Variants in EFNB2 observed in about 807,000 individuals in gnomAD.
The protein encoded by EFNB2 is ephrin-B2.
Under a neutral mutation model 32.1 loss-of-function variants are expected in EFNB2, and 5 were observed. That is an observed-to-expected ratio of 0.16 (90% CI 0.08 to 0.33). The LOEUF (loss-of-function observed/expected upper bound fraction) is 0.33. Ranked by LOEUF, EFNB2 falls within the 10% of genes least tolerant of loss-of-function variation. The pLI, the probability that EFNB2 is intolerant of heterozygous loss-of-function variation, is 1.00. For synonymous variants in EFNB2, 168 were observed against 166.5 expected (o/e 1.01, Z -0.07); for missense variants, 263 against 422.6 (o/e 0.62, Z 3.31).
At chr13:106,523,005 C>G (rs1879576454) in intron 1 of EFNB2, among the ~76,000 whole-genome samples, 1 of 152,132 alleles carries the variant, frequency 6.6e-6, no homozygotes, top group African/African-American at 2.4e-5. Context: ...TATAATCAGC[C>G]CAGTAACACA....
intron 2 of EFNB2, among the ~76,000 whole-genome samples, chr13:106,507,949 C>T (rs913522987): frequency 6.6e-6 from 1 of 152,228 alleles, no homozygotes; most frequent in African/African-American, 2.4e-5. Context: ...TGTCTAACAG[C>T]TCTGCTGTAG....
At chr13:106,521,523 T>C (rs1178210215) in intron 1 of EFNB2, 3 of 152,240 alleles carry the variant, frequency 2.0e-5, no homozygotes, top group African/African-American at 4.8e-5. Context: ...TACAGCTGCG[T>C]GTGATGCTGT....
At position 106,491,892 on chromosome 13, in the gene EFNB2, T is replaced by TA. The variant is rs773793785; in HGVS notation, c.*1147dup. On this transcript the variant is annotated 3_prime_UTR_variant, in exon 5 of 5. Coordinates refer to ENST00000646441, the MANE Select transcript of EFNB2 (RefSeq NM_004093.4). Reference sequence around the variant, plus strand: ...TCCTAAATGCTTTCCCTGTGTTTAATAAAATGTGATAAGTATAGCAGCTGA... The same window carrying TA: ...TCCTAAATGCTTTCCCTGTGTTTAATAAAAATGTGATAAGTATAGCAGCTGA... 3 of 152,792 alleles carry TA rather than the reference T, an allele frequency of 2.0e-5. No individual in the cohort carries two copies. Among genetic ancestry groups the TA allele is most frequent in the Admixed American group, 1.3e-4 (2 of 15,308 alleles). The allele number at this position is 152,792 out of a possible 1,614,324, so 9.5% of individuals were successfully genotyped here. A position where few individuals can be genotyped will look rare whatever the true frequency, so the allele number is the denominator to read the frequency against.
chr13:106,496,899 A>G (rs898835778), intron 2 of EFNB2, among the ~76,000 whole-genome samples: 2 of 152,202 alleles, frequency 1.3e-5, no homozygotes, highest in African/African-American at 4.8e-5. Context: ...TCATTCCCCT[A>G]AAGTTCAAGG....
chr13:106,534,668 A>T (rs1456723938), intron 1 of EFNB2, among the ~76,000 whole-genome samples, 175 bp downstream of exon 1: 1 of 151,374 alleles, frequency 6.6e-6, no homozygotes, highest in East Asian at 2.0e-4. Flanking sequence ...CTCGGGTTGG[A>T]AAGCCGAGCG....
chr13:106,517,615 C>G (rs1042685291), intron 1 of EFNB2: 2 of 152,206 alleles, frequency 1.3e-5, no homozygotes. Context: ...TGCATTCTCA[C>G]TGGAGGGCCT....
At chr13:106,527,677 C>T (rs1195249774) in intron 1 of EFNB2, among the ~76,000 whole-genome samples, 4 of 152,202 alleles carry the variant, frequency 2.6e-5, no homozygotes, top group South Asian at 2.1e-4. Flanking sequence ...GAAATAGGTT[C>T]GCCTGGCATT....
intron 2 of EFNB2, among the ~76,000 whole-genome samples, chr13:106,501,782 C>T (rs540229527): frequency 3.3e-5 from 5 of 152,006 alleles, no homozygotes; most frequent in African/African-American, 4.8e-5. Flanking sequence ...TTAGTAGAGA[C>T]GGGGTTTCAC....
intron 1 of EFNB2, among the ~76,000 whole-genome samples, chr13:106,522,342 C>T (rs78837113): frequency 0.032 from 4,933 of 152,228 alleles, 269 homozygotes; most frequent in African/African-American, 0.1. Flanking sequence ...ACCATGCTTT[C>T]AGCAAGAGTC....
chr13:106,509,767 T>C (rs1020838993), intron 2 of EFNB2: 1 of 152,170 alleles, frequency 6.6e-6, no homozygotes, highest in African/African-American at 2.4e-5. Context: ...TCAATATTAA[T>C]TTCTAAAACT....
At chr13:106,522,299 T>C (rs1879549559) in intron 1 of EFNB2, among the ~76,000 whole-genome samples, 1 of 152,198 alleles carries the variant, frequency 6.6e-6, no homozygotes, top group Non-Finnish European at 1.5e-5. Flanking sequence ...TTCCCAACTG[T>C]AATTTGTGTG....
At chr13:106,520,265 G>A (rs919433345) in intron 1 of EFNB2, 2 of 152,210 alleles carry the variant, frequency 1.3e-5, no homozygotes, top group African/African-American at 4.8e-5. Context: ...TTAATTAAAT[G>A]TCAAAGCCTA....
intron 2 of EFNB2, among the ~76,000 whole-genome samples, chr13:106,504,290 T>A (rs1878878349): frequency 6.6e-6 from 1 of 152,174 alleles, no homozygotes; most frequent in African/African-American, 2.4e-5. Context: ...GTGGAAAACA[T>A]CCATCGGAGG....
At chr13:106,516,166 C>A (rs1451363399) in intron 1 of EFNB2, 1 of 152,190 alleles carries the variant, frequency 6.6e-6, no homozygotes, top group Non-Finnish European at 1.5e-5. Context: ...GAAGACAGAA[C>A]CACTGAGTCG....
intron 2 of EFNB2, among the ~76,000 whole-genome samples, chr13:106,507,312 A>G (rs936147891): frequency 2.0e-5 from 3 of 152,210 alleles, no homozygotes; most frequent in Middle Eastern, 3.2e-3. Context: ...AAAGAAATCT[A>G]TATGTTAAGA....
chr13:106,534,827 C>G lies in EFNB2; in HGVS notation c.122+16G>C. ...CCCCGGGGCGGGGACATAGGGGGAT[C>G]GCGGACGCCACTTACTTGGAGTTCG... On this transcript the variant is annotated intron_variant, in intron 1 of 4. Coordinates refer to ENST00000646441, the MANE Select transcript of EFNB2 (RefSeq NM_004093.4). 6.2e-7 allele frequency: 1 copy of G among 1,607,026 alleles called. No homozygotes were observed. The highest frequency in any genetic ancestry group is 1.1e-5 in the South Asian group (1 of 90,136).
chr13:106,507,824 A>C (rs1331014781), intron 2 of EFNB2, among the ~76,000 whole-genome samples: 1 of 152,210 alleles, frequency 6.6e-6, no homozygotes, highest in South Asian at 2.1e-4. Flanking sequence ...AGTCCTTCGG[A>C]AAGATGACTT....
At chr13:106,530,733 G>A (rs1879844315) in intron 1 of EFNB2, among the ~76,000 whole-genome samples, 2 of 152,114 alleles carry the variant, frequency 1.3e-5, no homozygotes, top group South Asian at 2.1e-4. Context: ...TTAGGTGAAC[G>A]CACTCTAAAA....
Position 106,534,897 on chromosome 13 carries a change from G to A in EFNB2, c.68C>T (p.Ala23Val). 1.2e-6 allele frequency: 2 copies of A among 1,613,760 alleles called. No individual in the cohort carries two copies. The highest frequency in any genetic ancestry group is 1.7e-6 in the Non-Finnish European group (2 of 1,179,790). ...WGVLMVLCRT[A>V]ISKSIVLEPI... Reference sequence around the variant, plus strand: ...CTCTAAAACTATCGATTTGGAAATCGCAGTTCTGCATAAAACCATCAAAAC... The same window carrying A: ...CTCTAAAACTATCGATTTGGAAATCACAGTTCTGCATAAAACCATCAAAAC... Residue 23 changes from alanine (A) to valine (V), a missense_variant, in exon 1 of 5, where the codon GCG becomes GTG. Around this residue, in one of 3 missense-constraint regions of EFNB2, gnomAD observed 46 missense variants for 56.9 expected, o/e 0.81. Coordinates refer to ENST00000646441, the MANE Select transcript of EFNB2 (RefSeq NM_004093.4).
Sources: allele counts gnomAD v4.1 joint callset (sites outside exome capture counted in the v4.1 genomes callset), GRCh38; gene constraint gnomAD v4.1.1; regional missense constraint gnomAD v4.1.1; transcripts MANE v1.5; gene names NCBI Gene and HGNC (gene_info 2026-07-23, HGNC 2026-07-21).